Variants in GLIS1 observed in about 807,000 individuals in gnomAD.
The protein encoded by GLIS1 is zinc finger protein GLIS1.
A neutral mutation model predicts 63.8 loss-of-function variants in GLIS1; 24 were observed. That is an observed-to-expected ratio of 0.38 (90% CI 0.27 to 0.53). GLIS1 has a LOEUF of 0.53. GLIS1 is among the 20% of genes least tolerant of loss of function. The pLI, the probability that GLIS1 is intolerant of heterozygous loss-of-function variation, is 0.85. For missense variants in GLIS1, 1,036 were observed against 1,074.1 expected (o/e 0.96, Z 0.50); for synonymous variants, 450 against 482.5 (o/e 0.93, Z 0.88).
At chr1:53,648,323 C>A (rs1645869114) in intron 2 of GLIS1, among the ~76,000 whole-genome samples, 1 of 152,114 alleles carries the variant, frequency 6.6e-6, no homozygotes, top group Non-Finnish European at 1.5e-5. Flanking sequence ...CAACACACAC[C>A]CACCAGAATG....
intron 10 of GLIS1, among the ~76,000 whole-genome samples, chr1:53,507,757 G>T (rs1277609851): frequency 6.6e-6 from 1 of 152,210 alleles, no homozygotes; most frequent in South Asian, 2.1e-4. Context: ...TCCCCTGGCC[G>T]GTGTAGGGCC....
At chr1:53,634,120 G>A (rs568088855) in intron 2 of GLIS1, among the ~76,000 whole-genome samples, 1 of 152,300 alleles carries the variant, frequency 6.6e-6, no homozygotes, top group East Asian at 1.9e-4. Flanking sequence ...GGATGGAGAC[G>A]ATGGGAGAAG....
chr1:53,658,890 G>A (rs767535002), intron 2 of GLIS1, among the ~76,000 whole-genome samples: 3 of 152,184 alleles, frequency 2.0e-5, no homozygotes, highest in Non-Finnish European at 2.9e-5. Flanking sequence ...TTGTCAGGAA[G>A]AATGAGTGGG....
intron 4 of GLIS1, among the ~76,000 whole-genome samples, chr1:53,562,005 C>T (rs774840933): frequency 3.3e-5 from 5 of 152,194 alleles, no homozygotes; most frequent in Non-Finnish European, 2.9e-5. Context: ...CCCAGCGCAG[C>T]TCGGTTTCAA....
chr1:53,605,342 C>G (rs532511314), intron 2 of GLIS1, among the ~76,000 whole-genome samples: 2 of 152,224 alleles, frequency 1.3e-5, no homozygotes, highest in South Asian at 4.1e-4. Context: ...ATCAGGGTGG[C>G]CTGACCCTTC....
chr1:53,680,655 C>T (rs1023488367), intron 2 of GLIS1, among the ~76,000 whole-genome samples: 5 of 152,194 alleles, frequency 3.3e-5, no homozygotes, highest in East Asian at 1.9e-4. Flanking sequence ...TTAAAACTCA[C>T]GTGGCCAGAA....
intron 7 of GLIS1, among the ~76,000 whole-genome samples, chr1:53,515,172 G>T (rs1012062713): frequency 1.3e-5 from 2 of 151,860 alleles, no homozygotes; most frequent in Non-Finnish European, 2.9e-5. Context: ...CTGTGATGCT[G>T]TCCTGGAAAA....
intron 4 of GLIS1, among the ~76,000 whole-genome samples, chr1:53,548,293 T>C (rs1282735164): frequency 6.6e-6 from 1 of 152,222 alleles, no homozygotes; most frequent in Non-Finnish European, 1.5e-5. Context: ...CAACCTTGCA[T>C]GCACATCTCT....
intron 3 of GLIS1, among the ~76,000 whole-genome samples, 160 bp downstream of exon 3, chr1:53,599,941 A>C (rs1007569659): frequency 6.6e-6 from 1 of 152,262 alleles, no homozygotes; most frequent in African/African-American, 2.4e-5. Context: ...GCAAAGCAGA[A>C]GGTGCAGGAT....
rs528591317 is a variant in GLIS1 at position 53,611,406 on chromosome 1, A to T, written c.260-11128T>A. On this transcript the variant is annotated intron_variant, in intron 2 of 10. Coordinates refer to ENST00000628545, the MANE Select transcript of GLIS1 (RefSeq NM_001367484.1). ...CGCCTGGCCAATCACAGTTATTTTC[A>T]ATCCTGTGTCTGATAACACCAACAT... Among the ~76,000 whole-genome samples the T allele has an allele frequency of 3.6e-4, 55 of 152,298 alleles. No homozygotes were observed. In the South Asian group the frequency reaches 0.011, roughly 30 times the overall value.
chr1:53,583,234 G>A (rs1295554219), intron 4 of GLIS1, among the ~76,000 whole-genome samples: 1 of 152,172 alleles, frequency 6.6e-6, no homozygotes, highest in Non-Finnish European at 1.5e-5. Flanking sequence ...CAGCAATCCA[G>A]CCACCGCCCT....
At chr1:53,564,008 T>A (rs1489309754) in intron 4 of GLIS1, among the ~76,000 whole-genome samples, 1 of 152,180 alleles carries the variant, frequency 6.6e-6, no homozygotes, top group Non-Finnish European at 1.5e-5. Context: ...TTCTAAAGAA[T>A]AAGCTTCAGG....
chr1:53,575,992 G>A (rs188583232), intron 4 of GLIS1, among the ~76,000 whole-genome samples: 7 of 152,184 alleles, frequency 4.6e-5, no homozygotes, highest in East Asian at 3.9e-4. Flanking sequence ...ACTCCACACC[G>A]TGCTTGCTGC....
chr1:53,587,694 G>T (rs1244347719), intron 4 of GLIS1, among the ~76,000 whole-genome samples: 2 of 152,198 alleles, frequency 1.3e-5, no homozygotes, highest in African/African-American at 2.4e-5. Context: ...GGCTTCTTGA[G>T]AAAAATAGTT....
chr1:53,700,497 G>A (rs1646512004), intron 2 of GLIS1, among the ~76,000 whole-genome samples: 1 of 151,616 alleles, frequency 6.6e-6, no homozygotes, highest in Non-Finnish European at 1.5e-5. Context: ...CATGGCCTCT[G>A]CTCGTGTAAA....
At position 53,526,450 on chromosome 1, in the gene GLIS1, G is replaced by A. The variant is rs1035447223; in HGVS notation, c.1483-1563C>T. 2.0e-5 allele frequency among the ~76,000 whole-genome samples: 3 copies of A among 152,128 alleles called. No homozygotes were observed. The highest frequency in any genetic ancestry group is 7.2e-5 in the African/African-American group (3 of 41,436). On this transcript the variant is annotated intron_variant, in intron 5 of 10. Coordinates refer to ENST00000628545, the MANE Select transcript of GLIS1 (RefSeq NM_001367484.1). This position sits in a 1 kb window ranked among gnomAD's most constrained non-coding sequence, Gnocchi z 4.4. ...CCGGGGTTGGCCTGGGAGGGAGAGCGGAGGCCTGCCGCGGATGGCCCCTGC... is the reference window on the plus strand; with the variant it reads ...CCGGGGTTGGCCTGGGAGGGAGAGCAGAGGCCTGCCGCGGATGGCCCCTGC...
chr1:53,550,876 G>C (rs1049105496), intron 4 of GLIS1, among the ~76,000 whole-genome samples: 1 of 152,056 alleles, frequency 6.6e-6, no homozygotes, highest in Non-Finnish European at 1.5e-5. Flanking sequence ...TTTTGAGACA[G>C]AGTCTTGCTC....
intron 2 of GLIS1, among the ~76,000 whole-genome samples, chr1:53,627,612 T>G (rs1456352950): frequency 2.0e-5 from 3 of 152,236 alleles, no homozygotes; most frequent in African/African-American, 7.2e-5. Context: ...TTTGAAGCCA[T>G]AAATCATGCA....
chr1:53,588,791 G>A (rs148109831), intron 4 of GLIS1, among the ~76,000 whole-genome samples: 10 of 152,292 alleles, frequency 6.6e-5, no homozygotes, highest in African/African-American at 1.9e-4. Flanking sequence ...AGTAGAAGGC[G>A]GTGTGTCCCA....
Sources: gnomAD v4.1 joint callset for allele counts (sites outside exome capture counted in the v4.1 genomes callset) on GRCh38, gnomAD v4.1.1 for gene constraint, Gnocchi (gnomAD v3.1) non-coding constraint, MANE v1.5 for transcripts, NCBI Gene and HGNC (gene_info 2026-07-23, HGNC 2026-07-21) for gene names.